Variants in UGT2B10 observed in about 807,000 individuals in gnomAD.
UGT2B10 encodes UDP-glucuronosyltransferase 2B10.
A neutral mutation model predicts 43.7 loss-of-function variants in UGT2B10; 51 were observed. The observed-to-expected ratio is 1.17, with a 90% CI of 0.93 to 1.47. The LOEUF is 1.47. UGT2B10 is among the 40% of genes most tolerant of loss of function. The pLI, the probability that UGT2B10 is intolerant of heterozygous loss-of-function variation, is 0.00. For missense variants in UGT2B10, 696 were observed against 617.7 expected, an observed-to-expected ratio of 1.13 and a Z score of -1.34; for synonymous variants, 225 against 209.0, an observed-to-expected ratio of 1.08 and a Z score of -0.66.
chr4:68,818,113 C>T lies in UGT2B10; in HGVS notation c.803C>T (p.Pro268Leu), dbSNP rs368183985. The change falls in exon 2 of 6, where the codon CCA becomes CTA. Residue 268 changes from proline to leucine, a missense_variant. Physicochemically the swap from Pro to Leu is moderately conservative, Grantham distance 98. Coordinates refer to ENST00000265403, the MANE Select transcript of UGT2B10 (RefSeq NM_001075.6). ...TCCTGGAATTTTAAATTTCCTCATC[C>T]ATTCTTACCAAATGTTGATTTTGTT... is the stretch of plus-strand genomic sequence containing the variant. ...RNSWNFKFPH[P>L]FLPNVDFVGG... 2.0e-4 allele frequency: 322 copies of T among 1,611,762 alleles called. No individual in the cohort carries two copies. The highest frequency in any genetic ancestry group is 2.6e-4 in the Non-Finnish European group (307 of 1,178,590).
intron 5 of UGT2B10, among the ~76,000 whole-genome samples, chr4:68,829,638 G>A (rs1164473103): frequency 1.3e-5 from 2 of 151,934 alleles, no homozygotes; most frequent in African/African-American, 4.8e-5. Context: ...AACACTTAGA[G>A]GGAAGCCACA....
chr4:68,823,323 T>G (rs1198476427), intron 3 of UGT2B10, among the ~76,000 whole-genome samples: 1 of 151,910 alleles, frequency 6.6e-6, no homozygotes, highest in Non-Finnish European at 1.5e-5. Context: ...CTGAACGATA[T>G]GGTGAAACCC....
chr4:68,830,598 A>C lies in UGT2B10; in HGVS notation c.1308-2A>C, dbSNP rs1235499839. The C allele has an allele frequency of 1.9e-6, 3 of 1,604,528 alleles. No individual in the cohort carries two copies. Among genetic ancestry groups the C allele is most frequent in the Non-Finnish European group, 2.6e-6 (3 of 1,175,914 alleles). On this transcript the variant is annotated splice_acceptor_variant, in intron 5 of 5. Transcript: ENST00000265403. LOFTEE classifies it high-confidence loss of function. ...GTCGGTATCTTTATTTTTATCCTTC[A>C]GATATAAAGAGAATATTATGAAATT...
chr4:68,821,012 T>C (rs943245020), intron 2 of UGT2B10, among the ~76,000 whole-genome samples: 3 of 152,110 alleles, frequency 2.0e-5, no homozygotes, highest in Admixed American at 2.0e-4. Context: ...TTACATTAAA[T>C]GTGGCTACAG....
Position 68,816,112 on chromosome 4 carries a change from A to C in UGT2B10, c.93A>C (p.Glu31Asp), listed in dbSNP as rs1446766352. 1 of 1,613,240 alleles carries C rather than the reference A, an allele frequency of 6.2e-7. No individual in the cohort carries two copies. The highest frequency in any genetic ancestry group is 8.5e-7 in the Non-Finnish European group (1 of 1,179,496). ...GAAAGGTGCTGGTATGGGCCGCAGA[A>C]TACAGCCTTTGGATGAATATGAAGA... ...SCGKVLVWAAEYSLWMNMKTI... is the reference protein window; with the variant it reads ...SCGKVLVWAADYSLWMNMKTI... The change falls in exon 1 of 6, where the codon GAA becomes GAC. Residue 31 changes from glutamate to aspartate, a missense_variant. Transcript: ENST00000265403.
intron 5 of UGT2B10, 72 bp downstream of exon 5, chr4:68,827,620 T>C: frequency 6.3e-7 from 1 of 1,581,216 alleles, no homozygotes; most frequent in Non-Finnish European, 8.6e-7. Context: ...AGCATGAGTT[T>C]CATCCTTTTT....
intron 2 of UGT2B10, 105 bp from the exon 3 acceptor site, chr4:68,822,166 C>A (rs1359334841): frequency 2.0e-6 from 3 of 1,505,384 alleles, no homozygotes; most frequent in Non-Finnish European, 2.7e-6. Flanking sequence ...AATAATTCCT[C>A]AAAATACTTG....
In UGT2B10 at chr4:68,818,037, A is replaced by T; in HGVS notation, c.727A>T (p.Thr243Ser). The T allele has an allele frequency of 6.2e-7, 1 of 1,608,624 alleles. No individual in the cohort carries two copies. The highest frequency in any genetic ancestry group is 1.1e-5 in the South Asian group (1 of 89,712). The change falls in exon 2 of 6, where the codon ACT becomes TCT. Residue 243 changes from threonine to serine, a missense_variant. Transcript: ENST00000265403. ...TTCTTTATTCCTATCAGGAAGACCC[A>T]CTACATTATCTGAGACAATGAGGAA... ...QFYSEVLGRP[T>S]TLSETMRKAD...
At chr4:68,828,813 T>C (rs546179557) in intron 5 of UGT2B10, among the ~76,000 whole-genome samples, 150 of 152,044 alleles carry the variant, frequency 9.9e-4, no homozygotes, top group Non-Finnish European at 1.5e-3. Context: ...TGGTGGGAAA[T>C]AAATCAAGAC....
chr4:68,825,606 C>T (rs895388580), intron 3 of UGT2B10, among the ~76,000 whole-genome samples: 1 of 151,970 alleles, frequency 6.6e-6, no homozygotes, highest in Non-Finnish European at 1.5e-5. Context: ...ATTTCAATTC[C>T]TATGTTAGTT....
rs976813572 is a variant in UGT2B10 at position 68,831,127 on chromosome 4, T to C, written c.*248T>C. 8.4e-6 allele frequency: 4 copies of C among 474,600 alleles called. No individual in the cohort carries two copies. The highest frequency in any genetic ancestry group is 1.4e-5 in the Non-Finnish European group (4 of 277,526). The allele number at this position is 474,600 out of a possible 1,614,324, so 29.4% of individuals were successfully genotyped here. ...TAATATAAAGCCATATGAGCTTGTA[T>C]TGAAATTTGTTGCACTTATATTGAA... On this transcript the variant is annotated 3_prime_UTR_variant, in exon 6 of 6. Transcript: ENST00000265403.
intron 2 of UGT2B10, among the ~76,000 whole-genome samples, chr4:68,821,865 C>T (rs374815739): frequency 7.0e-6 from 1 of 142,346 alleles, no homozygotes; most frequent in East Asian, 2.1e-4. Context: ...GAAATAAACA[C>T]AAGTGATTTA....
chr4:68,816,055 A>G lies in UGT2B10; in HGVS notation c.36A>G (p.Gln12=). 1.2e-6 allele frequency: 2 copies of G among 1,612,956 alleles called. No homozygotes were observed. Among genetic ancestry groups the G allele is most frequent in the Non-Finnish European group, 1.7e-6 (2 of 1,179,256 alleles). Residue 12 remains glutamine, a synonymous_variant, in exon 1 of 6, where the codon CAA becomes CAG. Transcript: ENST00000265403. ...AATGGACTACAGTTCTGCTGATACA[A>G]CTCAGTTTTTACTTTAGCTCTGGGA... is the stretch of plus-strand genomic sequence containing the variant. The part of the protein sequence containing the change: ...ALKWTTVLLI[Q]LSFYFSSGSC...
At chr4:68,826,688 C>A (rs920157972) in intron 4 of UGT2B10, among the ~76,000 whole-genome samples, 191 bp downstream of exon 4, 9 of 152,122 alleles carry the variant, frequency 5.9e-5, no homozygotes, top group African/African-American at 1.9e-4. Context: ...CACTCACATT[C>A]TTTGTGGTCA....
At position 68,829,111 on chromosome 4, in the gene UGT2B10, G is replaced by C. The variant is rs1396093668; in HGVS notation, c.1308-1489G>C. On this transcript the variant is annotated intron_variant, in intron 5 of 5. Transcript: ENST00000265403. ...TATCAACAGTGTCCAAAAAGCGTTA[G>C]CAACAGAAATATCTATTCAACATAA... Among the ~76,000 whole-genome samples, 5 of 151,992 alleles carry C rather than the reference G, an allele frequency of 3.3e-5. No individual in the cohort carries two copies. In the South Asian group the frequency reaches 1.0e-3, roughly 31 times the overall value.
At chr4:68,822,486 A>T in intron 3 of UGT2B10, 84 bp downstream of exon 3, 1 of 1,600,358 alleles carries the variant, frequency 6.2e-7, no homozygotes, top group Admixed American at 1.8e-5. Flanking sequence ...AATATTAAAG[A>T]GTAGACTGAA....
chr4:68,827,694 T>C (rs1387836766), intron 5 of UGT2B10, 146 bp downstream of exon 5: 3 of 1,362,500 alleles, frequency 2.2e-6, no homozygotes, highest in Non-Finnish European at 2.9e-6. Flanking sequence ...TTTTACTTTT[T>C]ATCTGTTATT....
At position 68,827,651 on chromosome 4, in the gene UGT2B10, G is replaced by T. The variant is rs113361053; in HGVS notation, c.1307+103G>T. On this transcript the variant is annotated intron_variant, in intron 5 of 5. Coordinates refer to ENST00000265403, the MANE Select transcript of UGT2B10 (RefSeq NM_001075.6). ...TTTTTATAAGAGAGTGATTTTGAAA[G>T]AATTTAAATGATTTAACCAATCCGA... is the stretch of plus-strand genomic sequence containing the variant. The T allele has an allele frequency of 2.2e-3, 3,370 of 1,520,430 alleles. 56 individuals are homozygous for T. In the African/African-American group the frequency reaches 0.042, roughly 19 times the overall value. The allele number at this position is 1,520,430 out of a possible 1,614,324, so 94.2% of individuals were successfully genotyped here. A position where few individuals can be genotyped will look rare whatever the true frequency, so the allele number is the denominator to read the frequency against.
chr4:68,820,543 T>A (rs1311358504), intron 2 of UGT2B10, among the ~76,000 whole-genome samples: 1 of 152,002 alleles, frequency 6.6e-6, no homozygotes, highest in East Asian at 1.9e-4. Flanking sequence ...TAGAAACATA[T>A]GCCTACAATA....
Sources: gnomAD v4.1 joint callset for allele counts (sites outside exome capture counted in the v4.1 genomes callset) on GRCh38, gnomAD v4.1.1 for gene constraint, MANE v1.5 for transcripts, NCBI Gene and HGNC (gene_info 2026-07-23, HGNC 2026-07-21) for gene names.